BIRC6: variants seen among roughly 807,000 people sequenced by gnomAD.
BIRC6 encodes the protein dual E2 ubiquitin-conjugating enzyme/E3 ubiquitin-protein ligase BIRC6.
In BIRC6, 98 loss-of-function variants were observed where a neutral mutation model predicts 503.3. That is an observed-to-expected ratio of 0.19 (90% confidence interval 0.17 to 0.23). The LOEUF (loss-of-function observed/expected upper bound fraction) is 0.23. Ranked by LOEUF, BIRC6 falls within the 10% of genes least tolerant of loss-of-function variation. The pLI is 1.00. For synonymous variants in BIRC6, 2,240 were observed against 2,078.7 expected, an observed-to-expected ratio of 1.08 and a Z score of -2.11; for missense variants, 5,360 against 5,806.0, an observed-to-expected ratio of 0.92 and a Z score of 2.50.
rs1362410502 is a variant in BIRC6, at chr2:32,463,775, T to C, written c.4941+394T>C. On this transcript the variant is annotated intron_variant, in intron 24 of 73. Transcript: ENST00000421745. ...AATGACAGATGCTTCATAAATTTTATTGTGGCCTAAATTAGGGGTCTCCAG... is the reference window on the plus strand; with the variant it reads ...AATGACAGATGCTTCATAAATTTTACTGTGGCCTAAATTAGGGGTCTCCAG... Among the ~76,000 whole-genome samples, 5 of 152,338 alleles carry C rather than the reference T, an allele frequency of 3.3e-5. No homozygotes were observed. In the East Asian group the frequency reaches 9.6e-4, roughly 29 times the overall value.
At chr2:32,578,994 TTAA>T (rs2060473434) in intron 66 of BIRC6, among the ~76,000 whole-genome samples, 1 of 27,388 alleles carries the variant, frequency 3.7e-5, no homozygotes, top group African/African-American at 2.3e-4. Flanking sequence ...ATATATACAC[TTAA>T]TATATATATA....
At chr2:32,591,509 A>G (rs1250298737) in intron 66 of BIRC6, among the ~76,000 whole-genome samples, 3 of 152,170 alleles carry the variant, frequency 2.0e-5, no homozygotes, top group African/African-American at 7.2e-5. Flanking sequence ...TAATCTACAC[A>G]CTGGGGTGGT....
intron 45 of BIRC6, among the ~76,000 whole-genome samples, chr2:32,495,176 A>C (rs1359299274): frequency 6.6e-6 from 1 of 152,174 alleles, no homozygotes; most frequent in Non-Finnish European, 1.5e-5. Context: ...TTCATACTAA[A>C]CTTTTAATAT....
chr2:32,373,692 T>C (rs758916903), intron 1 of BIRC6, among the ~76,000 whole-genome samples: 2 of 152,044 alleles, frequency 1.3e-5, no homozygotes, highest in Non-Finnish European at 2.9e-5. Context: ...CCTCAGAAAA[T>C]TAAGGAAAAA....
At chr2:32,393,495 G>A (rs1265884273) in intron 5 of BIRC6, among the ~76,000 whole-genome samples, 1 of 152,102 alleles carries the variant, frequency 6.6e-6, no homozygotes, top group African/African-American at 2.4e-5. Flanking sequence ...TTTAAATAAA[G>A]CATGGTTATT....
At chr2:32,538,818 G>C (rs2057438066) in intron 61 of BIRC6, among the ~76,000 whole-genome samples, 1 of 152,208 alleles carries the variant, frequency 6.6e-6, no homozygotes, top group South Asian at 2.1e-4. Context: ...TGAAATCCCA[G>C]CTACTTGAGA....
intron 21 of BIRC6, among the ~76,000 whole-genome samples, chr2:32,446,764 T>G (rs1371910448): frequency 1.6e-4 from 22 of 138,102 alleles, no homozygotes. Flanking sequence ...TTTTTTTTTT[T>G]TTTTTTTATT....
At chr2:32,382,519 A>T (rs557660071) in intron 3 of BIRC6, among the ~76,000 whole-genome samples, 5 of 152,318 alleles carry the variant, frequency 3.3e-5, no homozygotes, top group African/African-American at 1.2e-4. Flanking sequence ...AGAACCTAAA[A>T]GCCAGGAAAC....
At chr2:32,377,857 G>T in intron 2 of BIRC6, 88 bp downstream of exon 2, 1 of 1,194,510 alleles carries the variant, frequency 8.4e-7, no homozygotes, top group Non-Finnish European at 1.2e-6. Flanking sequence ...CATCCTTTAA[G>T]GACGTTATTA....
chr2:32,487,871 G>A (rs2051182289), intron 41 of BIRC6, 70 bp downstream of exon 41: 1 of 1,328,710 alleles, frequency 7.5e-7, no homozygotes, highest in African/African-American at 1.5e-5. Flanking sequence ...AAACTAATTG[G>A]GAAGTTCATT....
chr2:32,485,826 A>G (rs2050923794), intron 40 of BIRC6, 67 bp downstream of exon 40: 1 of 1,082,278 alleles, frequency 9.2e-7, no homozygotes, highest in African/African-American at 1.6e-5. Flanking sequence ...TTTCAGGTGG[A>G]TTCATCAAGG....
At position 32,510,764 on chromosome 2, in the gene BIRC6, A is replaced by G. The variant is rs868465227; in HGVS notation, c.10346+130A>G. On this transcript the variant is annotated intron_variant, in intron 53 of 73. Transcript: ENST00000421745. The stretch of plus-strand genomic sequence containing the variant: ...CTGTGATATATTGTATGTTTACCAT[A>G]TGCCTCACACGATGTAACTTCTGCA... 2.7e-5 allele frequency: 17 copies of G among 629,530 alleles called. No individual in the cohort carries two copies. In the Middle Eastern group the frequency reaches 2.8e-3, roughly 103 times the overall value. 39.0% of individuals were successfully genotyped at this position (629,530 alleles called of 1,614,324 possible).
chr2:32,568,792 C>G (rs990534617), intron 65 of BIRC6, among the ~76,000 whole-genome samples: 1 of 150,192 alleles, frequency 6.7e-6, no homozygotes, highest in Non-Finnish European at 1.5e-5. Flanking sequence ...TGCAGTGAGC[C>G]GAGATTATGT....
intron 65 of BIRC6, among the ~76,000 whole-genome samples, chr2:32,566,973 T>C (rs1420324857): frequency 6.6e-6 from 1 of 152,182 alleles, no homozygotes; most frequent in Non-Finnish European, 1.5e-5. Flanking sequence ...TTCCCACTTC[T>C]TTTTTTGTTT....
chr2:32,587,126 C>T (rs1327448596), intron 66 of BIRC6, among the ~76,000 whole-genome samples: 2 of 152,236 alleles, frequency 1.3e-5, no homozygotes, highest in Non-Finnish European at 2.9e-5. Context: ...TTGTGGCTTA[C>T]GCCTGTAATC....
chr2:32,463,795 C>G (rs1018535477), intron 24 of BIRC6, among the ~76,000 whole-genome samples: 2 of 152,224 alleles, frequency 1.3e-5, no homozygotes, highest in Non-Finnish European at 2.9e-5. Flanking sequence ...AATTAGGGGT[C>G]TCCAGTCCCT....
chr2:32,599,430 A>G (rs961092855), intron 69 of BIRC6, among the ~76,000 whole-genome samples: 1 of 152,014 alleles, frequency 6.6e-6, no homozygotes, highest in African/African-American at 2.4e-5. Context: ...ACTTGAGGCT[A>G]GGAGTTTGAG....
intron 66 of BIRC6, among the ~76,000 whole-genome samples, chr2:32,576,442 G>GTT (rs2060267808): frequency 6.6e-6 from 1 of 152,140 alleles, no homozygotes; most frequent in Non-Finnish European, 1.5e-5. Flanking sequence ...CTGTTCAGTG[G>GTT]TTGTCAGTTT....
At chr2:32,367,613 T>C (rs151049181) in intron 1 of BIRC6, among the ~76,000 whole-genome samples, 4,985 of 152,052 alleles carry the variant, frequency 0.033, 185 homozygotes, top group African/African-American at 0.095. Flanking sequence ...TTCAGGAGTT[T>C]GAGACCAGCC....
Sources: allele counts gnomAD v4.1 joint callset (sites outside exome capture counted in the v4.1 genomes callset), GRCh38; gene constraint gnomAD v4.1.1; transcripts MANE v1.5; gene names NCBI Gene and HGNC (gene_info 2026-07-23, HGNC 2026-07-21).